ACTN1: variants seen among roughly 807,000 people sequenced by gnomAD.
The protein encoded by ACTN1 is alpha-actinin-1.
In ACTN1, 30 loss-of-function variants were observed where a neutral mutation model predicts 119.6. The observed-to-expected ratio is 0.25, with a 90% CI of 0.19 to 0.34. The LOEUF (loss-of-function observed/expected upper bound fraction) is 0.34, where lower values mean the gene tolerates loss of function less well. ACTN1 is among the 10% of genes least tolerant of loss of function. The pLI, the probability that ACTN1 is intolerant of heterozygous loss-of-function variation, is 1.00. For missense variants in ACTN1, 764 were observed against 1,223.4 expected (o/e 0.62, Z 5.60); for synonymous variants, 429 against 472.6 (o/e 0.91, Z 1.20).
intron 1 of ACTN1, chr14:68,977,838 G>A (rs2037116521): frequency 4.9e-6 from 2 of 409,106 alleles, no homozygotes; most frequent in African/African-American, 4.1e-5. Flanking sequence ...AGATCAGCCT[G>A]GGGGTGGGGA....
intron 1 of ACTN1, among the ~76,000 whole-genome samples, chr14:68,935,088 T>C (rs968760554): frequency 6.6e-6 from 1 of 152,156 alleles, no homozygotes; most frequent in Non-Finnish European, 1.5e-5. Context: ...AATGGCACAA[T>C]CTCCGCTCAC....
intron 8 of ACTN1, among the ~76,000 whole-genome samples, chr14:68,896,665 C>A (rs1205039005): frequency 6.6e-6 from 1 of 152,114 alleles, no homozygotes; most frequent in African/African-American, 2.4e-5. Context: ...TCCCTGAGAA[C>A]CTCAGGAACT....
At chr14:68,944,206 A>T (rs2035856135) in intron 1 of ACTN1, among the ~76,000 whole-genome samples, 1 of 152,216 alleles carries the variant, frequency 6.6e-6, no homozygotes, top group Non-Finnish European at 1.5e-5. Context: ...GAGGGTTTGA[A>T]TTCTGTCTTG....
chr14:68,912,347 G>C (rs2034056603), intron 3 of ACTN1, 105 bp from the exon 4 acceptor site: 2 of 886,504 alleles, frequency 2.3e-6, no homozygotes, highest in Admixed American at 4.0e-5. Flanking sequence ...GGAATCAAAA[G>C]ACTCCAGAGC....
chr14:68,952,556 TC>T (rs1339052276), intron 1 of ACTN1, among the ~76,000 whole-genome samples: 1 of 152,226 alleles, frequency 6.6e-6, no homozygotes, highest in Non-Finnish European at 1.5e-5. Context: ...ATGTGCCCTG[TC>T]CCTGTGCCGC....
chr14:68,953,891 A>C (rs1274902565), intron 1 of ACTN1, among the ~76,000 whole-genome samples: 1 of 152,092 alleles, frequency 6.6e-6, no homozygotes, highest in East Asian at 1.9e-4. Flanking sequence ...GTCTCAAAAA[A>C]AAAAAAAAGA....
At chr14:68,881,073 T>C in intron 16 of ACTN1, 84 bp from the exon 17 acceptor site, 3 of 1,355,316 alleles carry the variant, frequency 2.2e-6, no homozygotes, top group Non-Finnish European at 3.1e-6. Context: ...AAATCACTTA[T>C]TAAGCCCTCA....
intron 8 of ACTN1, 88 bp from the exon 9 acceptor site, chr14:68,893,835 T>G: frequency 8.5e-7 from 1 of 1,181,806 alleles, no homozygotes; most frequent in Non-Finnish European, 1.2e-6. Context: ...GCCCCTCCCA[T>G]CCCTGCAGCT....
rs2031673060 is a variant in ACTN1 at position 68,882,794 on chromosome 14, G to A, written c.1818+79C>T. 7.0e-6 allele frequency: 11 copies of A among 1,560,908 alleles called. No homozygotes were observed. In the South Asian group the frequency reaches 9.3e-5, roughly 13 times the overall value. ...CTATATGACAATTTTAAATGAAATT[G>A]ACAAAAATCAATTAAAATGGACAAA... is the stretch of plus-strand genomic sequence containing the variant. On this transcript the variant is annotated intron_variant, in intron 15 of 21. Coordinates refer to ENST00000394419, the MANE Select transcript of ACTN1 (RefSeq NM_001130004.2). This position sits in a 1 kb window ranked among gnomAD's most constrained non-coding sequence, Gnocchi z 4.5.
intron 1 of ACTN1, among the ~76,000 whole-genome samples, chr14:68,954,251 C>T (rs1444978780): frequency 6.6e-6 from 1 of 152,154 alleles, no homozygotes; most frequent in Non-Finnish European, 1.5e-5. Context: ...TGTTAAATTC[C>T]TTCCCCAGGG....
intron 3 of ACTN1, among the ~76,000 whole-genome samples, chr14:68,919,446 G>C (rs1011510551): frequency 7.2e-5 from 11 of 152,210 alleles, no homozygotes; most frequent in Non-Finnish European, 1.5e-4. Context: ...GTCTTGAATT[G>C]CTCCCTAATA....
chr14:68,966,505 A>C (rs779649337), intron 1 of ACTN1, among the ~76,000 whole-genome samples: 3 of 152,186 alleles, frequency 2.0e-5, no homozygotes, highest in Non-Finnish European at 4.4e-5. Context: ...CCTAACACAC[A>C]ACCATTCTTC....
intron 3 of ACTN1, 140 bp downstream of exon 3, chr14:68,920,866 G>T: frequency 8.4e-7 from 1 of 1,184,130 alleles, no homozygotes; most frequent in Non-Finnish European, 1.2e-6. Context: ...CTCCACAGGC[G>T]ACCAGATGGA....
intron 1 of ACTN1, among the ~76,000 whole-genome samples, chr14:68,956,182 A>T (rs1311990708): frequency 6.6e-6 from 1 of 152,148 alleles, no homozygotes; most frequent in Non-Finnish European, 1.5e-5. Context: ...AACAAAAAAA[A>T]AGAGGCTGCA....
chr14:68,973,354 G>T (rs1490643801), intron 1 of ACTN1, among the ~76,000 whole-genome samples: 3 of 152,154 alleles, frequency 2.0e-5, no homozygotes, highest in Non-Finnish European at 4.4e-5. Flanking sequence ...CATGGGGGTG[G>T]TTACCCACAT....
intron 3 of ACTN1, among the ~76,000 whole-genome samples, chr14:68,914,379 GA>G (rs757379908): frequency 6.6e-6 from 1 of 152,070 alleles, no homozygotes; most frequent in Non-Finnish European, 1.5e-5. Flanking sequence ...CATAAAACAT[GA>G]AATACAAATA....
chr14:68,889,568 A>AT (rs947686146), intron 11 of ACTN1, among the ~76,000 whole-genome samples: 5 of 152,216 alleles, frequency 3.3e-5, no homozygotes, highest in African/African-American at 1.2e-4. Flanking sequence ...GCAGAAGCAG[A>AT]TGGATCACCT....
chr14:68,978,264 G>T (rs1468741326), intron 1 of ACTN1: 2 of 455,294 alleles, frequency 4.4e-6, no homozygotes. Flanking sequence ...CCCATGTCGG[G>T]GTTACAGCTT....
At chr14:68,959,396 G>A (rs2140593318) in intron 1 of ACTN1, among the ~76,000 whole-genome samples, 1 of 152,286 alleles carries the variant, frequency 6.6e-6, no homozygotes, top group Non-Finnish European at 1.5e-5. Flanking sequence ...TGACAGCACT[G>A]TTTACTGCAC....
Sources: allele counts gnomAD v4.1 joint callset (sites outside exome capture counted in the v4.1 genomes callset), GRCh38; gene constraint gnomAD v4.1.1; non-coding constraint Gnocchi (gnomAD v3.1); transcripts MANE v1.5; gene names NCBI Gene and HGNC (gene_info 2026-07-23, HGNC 2026-07-21).